WDR17: variants seen among roughly 807,000 people sequenced by gnomAD.
WDR17 encodes WD repeat-containing protein 17.
WDR17 carries 143 observed loss-of-function variants against 161.7 expected under a neutral mutation model. That is an observed-to-expected ratio of 0.88 (90% confidence interval 0.77 to 1.02). The LOEUF (loss-of-function observed/expected upper bound fraction) is 1.02, where lower values mean the gene tolerates loss of function less well. Ranked by LOEUF, WDR17 falls within the 50% of genes least tolerant of loss-of-function variation. WDR17 has a pLI of 0.00. For synonymous variants in WDR17, 517 were observed against 515.6 expected (o/e 1.00, Z -0.04); for missense variants, 1,469 against 1,520.9 (o/e 0.97, Z 0.57).
Position 176,179,540 on chromosome 4 carries a change from C to G in WDR17, c.3813C>G (p.Phe1271Leu). The change falls in exon 29 of 29, where the codon TTC becomes TTG. Residue 1271 changes from phenylalanine (F) to leucine (L), a missense_variant. Transcript: ENST00000508596. ...TGATGTGGGCAAAGGTGAATCCATT[C>G]TCACCTTTAGGGACTGGAATACGAC... ...DALMWAKVNPFSPLGTGIRLN... is the reference protein window; with the variant it reads ...DALMWAKVNPLSPLGTGIRLN... 1 of 1,604,152 alleles carries G rather than the reference C, an allele frequency of 6.2e-7. No individual in the cohort carries two copies.
At chr4:176,126,839 C>T (rs1175844002) in intron 5 of WDR17, among the ~76,000 whole-genome samples, 3 of 152,142 alleles carry the variant, frequency 2.0e-5, no homozygotes, top group African/African-American at 7.2e-5. Flanking sequence ...CTCACGAGAT[C>T]TGATGGTTTT....
intron 1 of WDR17, among the ~76,000 whole-genome samples, chr4:176,103,336 C>T (rs913266391): frequency 1.6e-4 from 25 of 152,040 alleles, no homozygotes; most frequent in Admixed American, 3.3e-4. Flanking sequence ...AAACAGCAAA[C>T]TCTGATTTCC....
At chr4:176,112,351 G>A in intron 2 of WDR17, among the ~76,000 whole-genome samples, 1 of 151,908 alleles carries the variant, frequency 6.6e-6, no homozygotes, top group East Asian at 1.9e-4. Flanking sequence ...TTTTAGTTTG[G>A]CTCCTACTAA....
intron 12 of WDR17, 95 bp downstream of exon 12, chr4:176,146,254 T>C: frequency 1.5e-6 from 2 of 1,300,568 alleles, no homozygotes; most frequent in Non-Finnish European, 2.1e-6. Flanking sequence ...TATAGATATA[T>C]ACAGAGTCTC....
At chr4:176,168,843 T>C in intron 23 of WDR17, 60 bp downstream of exon 23, 1 of 1,557,870 alleles carries the variant, frequency 6.4e-7, no homozygotes, top group Non-Finnish European at 8.7e-7. Context: ...TAATTAATTG[T>C]AGGTTCAAGC....
chr4:176,136,633 A>G lies in WDR17; in HGVS notation c.1268-887A>G, dbSNP rs1010310233. Reference sequence around the variant, plus strand: ...AGTGGGGATGATATTTAAAAGATAAATGAGGGTTGACAAGGATGGAAGTAG... The same window carrying G: ...AGTGGGGATGATATTTAAAAGATAAGTGAGGGTTGACAAGGATGGAAGTAG... On this transcript the variant is annotated intron_variant, in intron 8 of 28. Coordinates refer to ENST00000508596, the MANE Select transcript of WDR17 (RefSeq NM_181265.4). Among the ~76,000 whole-genome samples the G allele has an allele frequency of 2.4e-4, 36 of 151,576 alleles. 1 individual carries two copies. The highest frequency in any genetic ancestry group is 7.4e-5 in the Non-Finnish European group (5 of 67,582).
intron 1 of WDR17, among the ~76,000 whole-genome samples, chr4:176,091,730 G>T (rs1264653188): frequency 6.6e-6 from 1 of 151,986 alleles, no homozygotes; most frequent in Non-Finnish European, 1.5e-5. Flanking sequence ...TCAACAAACT[G>T]TAAGCCAGAC....
intron 6 of WDR17, 86 bp downstream of exon 6, chr4:176,128,946 C>T (rs899624382): frequency 1.6e-6 from 2 of 1,230,410 alleles, no homozygotes; most frequent in African/African-American, 1.6e-5. Flanking sequence ...ATATCAAATA[C>T]TATATGCCAC....
chr4:176,118,436 G>A (rs1230249521), intron 3 of WDR17, among the ~76,000 whole-genome samples: 10 of 151,954 alleles, frequency 6.6e-5, no homozygotes, highest in African/African-American at 1.7e-4. Context: ...TTTTACTGGC[G>A]TTTTTCATGT....
intron 23 of WDR17, among the ~76,000 whole-genome samples, chr4:176,169,064 ATT>A (rs1273382610): frequency 6.6e-6 from 1 of 152,186 alleles, no homozygotes; most frequent in Non-Finnish European, 1.5e-5. Flanking sequence ...AAGGTAAGGA[ATT>A]TGCCCAAATT....
chr4:176,105,911 G>A lies in WDR17; in HGVS notation c.-6-5664G>A, dbSNP rs7680202. Among the ~76,000 whole-genome samples, 1,511 of 151,968 alleles carry A rather than the reference G, an allele frequency of 9.9e-3. 19 individuals carry two copies. The highest frequency in any genetic ancestry group is 0.034 in the African/African-American group (1,428 of 41,492). ...AAAAAAAATAGAGAAAAAGATCAAC[G>A]AAATTGTCAAACCTGTAGCTGGATA... On this transcript the variant is annotated intron_variant, in intron 1 of 28. Transcript: ENST00000508596.
chr4:176,144,545 C>A (rs892907640), intron 11 of WDR17, among the ~76,000 whole-genome samples: 1 of 152,086 alleles, frequency 6.6e-6, no homozygotes, highest in East Asian at 1.9e-4. Flanking sequence ...GAGTTAATAA[C>A]CCATTTGGCC....
intron 11 of WDR17, among the ~76,000 whole-genome samples, chr4:176,144,257 T>C (rs1014230739): frequency 2.6e-5 from 4 of 152,208 alleles, no homozygotes; most frequent in Admixed American, 2.0e-4. Flanking sequence ...TCCCATATAA[T>C]ATGCCTTTGG....
chr4:176,085,910 A>G (rs1173060448), intron 1 of WDR17, among the ~76,000 whole-genome samples: 1 of 151,808 alleles, frequency 6.6e-6, no homozygotes, highest in Non-Finnish European at 1.5e-5. Context: ...TTCCTTTTCT[A>G]CTAGAAAGAA....
chr4:176,111,362 T>C, intron 1 of WDR17: 1 of 343,190 alleles, frequency 2.9e-6, no homozygotes, highest in Non-Finnish European at 5.1e-6. Flanking sequence ...TTATCATATT[T>C]CCTGCTTTCC....
intron 28 of WDR17, among the ~76,000 whole-genome samples, chr4:176,178,993 A>T (rs2126906411): frequency 6.6e-6 from 1 of 152,346 alleles, no homozygotes; most frequent in Middle Eastern, 3.4e-3. Context: ...CGATATATAC[A>T]ATATAGAACA....
At chr4:176,176,192 A>C (rs1751435004) in intron 26 of WDR17, among the ~76,000 whole-genome samples, 1 of 152,086 alleles carries the variant, frequency 6.6e-6, no homozygotes, top group Admixed American at 6.5e-5. Flanking sequence ...GCATTAAATT[A>C]ATATCAAAAA....
chr4:176,083,149 C>T (rs1382823201), intron 1 of WDR17, among the ~76,000 whole-genome samples: 1 of 150,536 alleles, frequency 6.6e-6, no homozygotes, highest in African/African-American at 2.4e-5. Flanking sequence ...GCATTTTAGA[C>T]TTGTTATATT....
chr4:176,105,208 A>G (rs1219516240), intron 1 of WDR17, among the ~76,000 whole-genome samples: 2 of 152,064 alleles, frequency 1.3e-5, no homozygotes, highest in Non-Finnish European at 2.9e-5. Flanking sequence ...ACACCTAAAA[A>G]ACACCATCAA....
Sources: allele counts gnomAD v4.1 joint callset (sites outside exome capture counted in the v4.1 genomes callset), GRCh38; gene constraint gnomAD v4.1.1; transcripts MANE v1.5; gene names NCBI Gene and HGNC (gene_info 2026-07-23, HGNC 2026-07-21).